YY1AP1: variants seen among roughly 807,000 people sequenced by gnomAD.
YY1AP1 encodes YY1-associated protein 1.
Under a neutral mutation model 39.9 loss-of-function variants are expected in YY1AP1, and 43 were observed. That is an observed-to-expected ratio of 1.08 (90% CI 0.84 to 1.39). The LOEUF (loss-of-function observed/expected upper bound fraction) is 1.39, where lower values mean the gene tolerates loss of function less well. YY1AP1 is among the 40% of genes most tolerant of loss of function. The probability of loss-of-function intolerance (pLI) is 0.00; values close to 1 mark genes in which losing one functional copy is unlikely to be tolerated. For synonymous variants in YY1AP1, 292 were observed against 331.3 expected, an observed-to-expected ratio of 0.88 and a Z score of 1.29; for missense variants, 813 against 900.7, an observed-to-expected ratio of 0.90 and a Z score of 1.25.
chr1:155,668,564 CAAGAG>C, intron 9 of YY1AP1, 58 bp downstream of exon 9: 2 of 1,611,366 alleles, frequency 1.2e-6, no homozygotes, highest in Non-Finnish European at 1.7e-6. Flanking sequence ...TTGAGAATAA[CAAGAG>C]AAAAGAACAG....
intron 5 of YY1AP1, 66 bp from the exon 6 acceptor site, chr1:155,675,162 A>AT (rs374278792): frequency 4.1e-4 from 609 of 1,470,356 alleles, no homozygotes; most frequent in Non-Finnish European, 4.7e-4. Flanking sequence ...GCCCAGAGAT[A>AT]TTTTTTTTTC....
chr1:155,673,883 C>T (rs989219156), intron 6 of YY1AP1, among the ~76,000 whole-genome samples: 2 of 151,896 alleles, frequency 1.3e-5, no homozygotes, highest in African/African-American at 2.4e-5. Flanking sequence ...CAAAATAGGC[C>T]GGGCGCGGTG....
At chr1:155,666,403 G>A (rs568478959) in intron 9 of YY1AP1, among the ~76,000 whole-genome samples, 7 of 152,216 alleles carry the variant, frequency 4.6e-5, no homozygotes, top group South Asian at 4.1e-4. Context: ...TTACAGGCGT[G>A]AGCCACCGCG....
chr1:155,673,711 TTTTTTTA>T (rs1263710795), intron 6 of YY1AP1, among the ~76,000 whole-genome samples: 1 of 151,814 alleles, frequency 6.6e-6, no homozygotes, highest in African/African-American at 2.4e-5. Context: ...CCCCAGCTAA[TTTTTTTA>T]TTTTTTATTT....
Position 155,660,026 on chromosome 1 carries a change from T to G in YY1AP1, c.1884A>C (p.Pro628=), listed in dbSNP as rs779441118. 2.2e-5 allele frequency: 35 copies of G among 1,613,936 alleles called. 1 individual carries two copies. In the Admixed American group the frequency reaches 5.8e-4, roughly 27 times the overall value. ...VSGNSVNLPI[P]STPEDKAHMN... ...TGTGGGCCTTATCTTCAGGGGTGGA[T>G]GGTATAGGAAGATTCACAGAATTGC... Residue 628 remains proline (P), a synonymous_variant, in exon 11 of 11, where the codon CCA becomes CCC. Coordinates refer to ENST00000355499, the MANE Select transcript of YY1AP1 (RefSeq NM_139119.3).
rs1420047873 is a variant in YY1AP1, at chr1:155,680,374, C to A, written c.21+42G>T. ...CAAAGGACACATTTTGTTGGAGAACCAACTTACAATCCCATGTTCTCACTT... is the reference window on the plus strand; with the variant it reads ...CAAAGGACACATTTTGTTGGAGAACAAACTTACAATCCCATGTTCTCACTT... On this transcript the variant is annotated intron_variant, in intron 3 of 10. Transcript: ENST00000355499. 1.9e-6 allele frequency: 3 copies of A among 1,610,350 alleles called. No individual in the cohort carries two copies. The South Asian group carries it at 3.3e-5, about 18-fold the overall frequency.
Position 155,660,373 on chromosome 1 carries a change from T to G in YY1AP1, c.1537A>C (p.Met513Leu), listed in dbSNP as rs1008075512. The part of the protein sequence containing the change: ...LSSAPVPKVM[M>L]PSPASSMFRK... ...AACATGGAAGAGGCAGGGGAGGGCATCATTACCTTGGGCACAGGGGCAGAA... is the reference window on the plus strand; with the variant it reads ...AACATGGAAGAGGCAGGGGAGGGCAGCATTACCTTGGGCACAGGGGCAGAA... The change falls in exon 11 of 11, where the codon ATG becomes CTG. Residue 513 changes from methionine to leucine, a missense_variant. Met to Leu is a conservative substitution (Grantham distance 15). Around this residue, in one of 3 missense-constraint regions of YY1AP1, gnomAD observed 586 missense variants for 647.4 expected, o/e 0.91. Coordinates refer to ENST00000355499, the MANE Select transcript of YY1AP1 (RefSeq NM_139119.3). The G allele has an allele frequency of 6.8e-6, 11 of 1,613,972 alleles. No homozygotes were observed. The highest frequency in any genetic ancestry group is 2.7e-5 in the African/African-American group (2 of 74,874).
At chr1:155,668,923 G>T in intron 8 of YY1AP1, 146 bp from the exon 9 acceptor site, 1 of 1,191,538 alleles carries the variant, frequency 8.4e-7, no homozygotes, top group Non-Finnish European at 1.2e-6. Context: ...GAGTGCAGTG[G>T]CGTGATCGCA....
rs1369789300 is a variant in YY1AP1, at chr1:155,660,540, G to C, written c.1370C>G (p.Ala457Gly). 6.2e-7 allele frequency: 1 copy of C among 1,614,066 alleles called. No individual in the cohort carries two copies. Among genetic ancestry groups the C allele is most frequent in the Non-Finnish European group, 8.5e-7 (1 of 1,180,042 alleles). The change falls in exon 11 of 11, where the codon GCC becomes GGC. Residue 457 changes from alanine to glycine, a missense_variant. By Grantham distance (60) the Ala-to-Gly change is moderately conservative (BLOSUM62 0). Coordinates refer to ENST00000355499, the MANE Select transcript of YY1AP1 (RefSeq NM_139119.3). ...VLRIPHPIQPATVLQTVPGVP... is the reference protein window; with the variant it reads ...VLRIPHPIQPGTVLQTVPGVP... The stretch of plus-strand genomic sequence containing the variant: ...ACCTGGAACTGTCTGTAAAACAGTG[G>C]CTGGCTGTATTGGGTGAGGAATCCG...
chr1:155,674,341 G>A (rs1650321425), intron 6 of YY1AP1, among the ~76,000 whole-genome samples: 1 of 151,926 alleles, frequency 6.6e-6, no homozygotes, highest in Admixed American at 6.6e-5. Context: ...CACAGACCGG[G>A]TCTTACTATG....
At chr1:155,675,577 G>A (rs1266897861) in intron 5 of YY1AP1, among the ~76,000 whole-genome samples, 3 of 151,872 alleles carry the variant, frequency 2.0e-5, no homozygotes, top group Non-Finnish European at 4.4e-5. Context: ...ACCCGCCTTG[G>A]CCTCCCAAAG....
Position 155,668,629 on chromosome 1 carries a change from T to C in YY1AP1, c.877A>G (p.Lys293Glu). ...NMNRAPDNII[K>E]FYKKTKQLPV... Reference sequence around the variant, plus strand: ...TAGTGCATGCAGGAAACACTCACTTTAATGATGTTGTCAGGAGCTCTGTTC... The same window carrying C: ...TAGTGCATGCAGGAAACACTCACTTCAATGATGTTGTCAGGAGCTCTGTTC... Residue 293 changes from lysine to glutamate, a missense_variant and splice_region_variant, in exon 9 of 11, where the codon AAA (lysine) becomes GAA (glutamate). Coordinates refer to ENST00000355499, the MANE Select transcript of YY1AP1 (RefSeq NM_139119.3). 2 of 1,614,198 alleles carry C rather than the reference T, an allele frequency of 1.2e-6. No individual in the cohort carries two copies. Among genetic ancestry groups the C allele is most frequent in the Middle Eastern group, 1.6e-4 (1 of 6,062 alleles).
intron 1 of YY1AP1, 94 bp from the exon 2 acceptor site, chr1:155,688,295 T>A (rs762530898): frequency 8.3e-6 from 13 of 1,571,548 alleles, no homozygotes; most frequent in Non-Finnish European, 1.1e-5. Context: ...TGGGATCGTT[T>A]CCCCTCGCAA....
chr1:155,676,453 T>C (rs1042711373), intron 5 of YY1AP1, 95 bp downstream of exon 5: 8 of 1,448,226 alleles, frequency 5.5e-6, no homozygotes, highest in Non-Finnish European at 7.7e-6. Flanking sequence ...TAACTATCTC[T>C]GACATTTACA....
At chr1:155,676,926 T>C (rs1274554266) in intron 4 of YY1AP1, among the ~76,000 whole-genome samples, 180 bp from the exon 5 acceptor site, 1 of 152,190 alleles carries the variant, frequency 6.6e-6, no homozygotes, top group Non-Finnish European at 1.5e-5. Context: ...GTAGTTAGCA[T>C]GCATCAAATG....
chr1:155,688,212 T>A lies in YY1AP1; in HGVS notation c.-151-11A>T, dbSNP rs746952559. On this transcript the variant is annotated splice_polypyrimidine_tract_variant and intron_variant, in intron 1 of 10. Transcript: ENST00000355499. Reference sequence around the variant, plus strand: ...CAGCGGGTAAGCCGACTGGCGGAAATGCGAGAGAGGAGAAGGGAAAGGTGG... The same window carrying A: ...CAGCGGGTAAGCCGACTGGCGGAAAAGCGAGAGAGGAGAAGGGAAAGGTGG... The A allele has an allele frequency of 1.2e-6, 2 of 1,613,630 alleles. No individual in the cohort carries two copies. Among genetic ancestry groups the A allele is most frequent in the Admixed American group, 3.3e-5 (2 of 60,002 alleles).
At chr1:155,688,954 C>T (rs1357122566), upstream of YY1AP1, 11 of 1,611,236 alleles carry the variant, frequency 6.8e-6, no homozygotes, top group Non-Finnish European at 9.3e-6. Flanking sequence ...CGCCGCGGCG[C>T]TGCGGCTCGC....
intron 9 of YY1AP1, among the ~76,000 whole-genome samples, chr1:155,664,671 G>C (rs1289176881): frequency 6.6e-6 from 1 of 151,298 alleles, no homozygotes; most frequent in Admixed American, 6.6e-5. Context: ...GCTGCAGTGA[G>C]CAACAGTGAG....
rs975018872 is a variant in YY1AP1 at position 155,676,565 on chromosome 1, G to A, written c.307C>T (p.Gln103Ter). 1.2e-6 allele frequency: 2 copies of A among 1,614,162 alleles called. No homozygotes were observed. Among genetic ancestry groups the A allele is most frequent in the Non-Finnish European group, 1.7e-6 (2 of 1,180,020 alleles). The change falls in exon 5 of 11, where the codon CAG (glutamine) becomes TAG (stop). Residue 103 changes from glutamine (Q) to a stop codon, truncating the protein, a stop_gained. Coordinates refer to ENST00000355499, the MANE Select transcript of YY1AP1 (RefSeq NM_139119.3). LOFTEE classifies it high-confidence loss of function. ...ILDPAQRKRL[Q>*]QQMQQHVQLL... ...AGTGTTACCTGCTGCATCTGCTGCT[G>A]GAGTCTCTTCCTTTGTGCTGGGTCC...
Sources: gnomAD v4.1 joint callset for allele counts (sites outside exome capture counted in the v4.1 genomes callset) on GRCh38, gnomAD v4.1.1 for gene constraint, gnomAD v4.1.1 regional missense constraint, MANE v1.5 for transcripts, NCBI Gene and HGNC (gene_info 2026-07-23, HGNC 2026-07-21) for gene names.